The following MTUS1 variants were observed in gnomAD, a reference collection of about 807,000 sequenced individuals.
MTUS1 encodes the protein microtubule-associated tumor suppressor 1.
In MTUS1, 109 loss-of-function variants were observed where a neutral mutation model predicts 120.8. The ratio of observed to expected loss-of-function variants is 0.90; its 90% CI spans 0.77 to 1.06. The LOEUF (loss-of-function observed/expected upper bound fraction) is 1.06. Ranked by LOEUF, MTUS1 falls within the 50% of genes least tolerant of loss-of-function variation. The pLI is 0.00. For synonymous variants in MTUS1, 737 were observed against 550.5 expected, an observed-to-expected ratio of 1.34 and a Z score of -4.74; for missense variants, 2,210 against 1,486.3, an observed-to-expected ratio of 1.49 and a Z score of -8.01.
intron 1 of MTUS1, among the ~76,000 whole-genome samples, chr8:17,793,373 A>G (rs2051957072): frequency 6.6e-6 from 1 of 152,138 alleles, no homozygotes; most frequent in African/African-American, 2.4e-5. Flanking sequence ...GTATGAAACA[A>G]TGGATGAGGG....
At chr8:17,740,197 G>A (rs1172120940) in intron 3 of MTUS1, among the ~76,000 whole-genome samples, 1 of 150,928 alleles carries the variant, frequency 6.6e-6, no homozygotes, top group Non-Finnish European at 1.5e-5. Context: ...AACAGAGCGA[G>A]ACTCCGTCTC....
At position 17,754,408 on chromosome 8, in the gene MTUS1, G is replaced by C. The variant is rs184656744; in HGVS notation, c.1400C>G (p.Ser467Trp). 5.0e-6 allele frequency: 8 copies of C among 1,614,086 alleles called. No homozygotes were observed. Among genetic ancestry groups the C allele is most frequent in the East Asian group, 2.2e-5 (1 of 44,884 alleles). Residue 467 changes from serine (S) to tryptophan (W), a missense_variant, in exon 2 of 15, where the codon TCG becomes TGG. Coordinates refer to ENST00000693296, the MANE Select transcript of MTUS1 (RefSeq NM_001363059.2). ...GNRGLKNIPD[S>W]KEAPVNLCKP... ...ACACAGGTTCACAGGTGCCTCCTTC[G>C]AGTCTGGTATGTTTTTAAGCCCTCG...
chr8:17,790,379 T>C (rs781336800), intron 1 of MTUS1, among the ~76,000 whole-genome samples: 1 of 148,478 alleles, frequency 6.7e-6, no homozygotes, highest in Non-Finnish European at 1.5e-5. Context: ...GGAAAAAAAA[T>C]AGTAGTTGCT....
intron 1 of MTUS1, among the ~76,000 whole-genome samples, chr8:17,779,100 A>T (rs73208629): frequency 6.6e-6 from 1 of 152,326 alleles, no homozygotes; most frequent in Non-Finnish European, 1.5e-5. Context: ...TCTCTGAACA[A>T]GTCACACAAG....
intron 6 of MTUS1, among the ~76,000 whole-genome samples, chr8:17,704,552 G>C (rs929025062): frequency 3.3e-5 from 5 of 152,030 alleles, no homozygotes; most frequent in Non-Finnish European, 4.4e-5. Context: ...GTGTATTCTT[G>C]GCACACTTGC....
chr8:17,708,490 A>G (rs1161880974), intron 6 of MTUS1, among the ~76,000 whole-genome samples: 1 of 152,086 alleles, frequency 6.6e-6, no homozygotes, highest in East Asian at 1.9e-4. Context: ...TTCTTCATAC[A>G]CTCCTGGTGA....
chr8:17,679,972 A>G (rs547852435), intron 7 of MTUS1, among the ~76,000 whole-genome samples: 31 of 152,352 alleles, frequency 2.0e-4, no homozygotes, highest in Non-Finnish European at 2.5e-4. Context: ...TGTGTTGACT[A>G]TTAAAGCTGC....
At chr8:17,789,221 A>C (rs1367070162) in intron 1 of MTUS1, among the ~76,000 whole-genome samples, 4 of 152,092 alleles carry the variant, frequency 2.6e-5, no homozygotes, top group Non-Finnish European at 1.5e-5. Flanking sequence ...TAGTAGATAC[A>C]GGGTTTCTCC....
At chr8:17,720,201 C>T (rs1282015461) in intron 4 of MTUS1, among the ~76,000 whole-genome samples, 1 of 151,962 alleles carries the variant, frequency 6.6e-6, no homozygotes, top group African/African-American at 2.4e-5. Context: ...AAAAATTAGC[C>T]GGGCATGATG....
intron 3 of MTUS1, among the ~76,000 whole-genome samples, chr8:17,728,918 T>G (rs1450388468): frequency 1.3e-5 from 2 of 152,148 alleles, no homozygotes; most frequent in East Asian, 3.9e-4. Flanking sequence ...CTGCCAGGGT[T>G]AGAGAAGTGA....
chr8:17,659,811 T>A (rs1034603236), intron 8 of MTUS1, among the ~76,000 whole-genome samples: 2 of 152,208 alleles, frequency 1.3e-5, no homozygotes, highest in African/African-American at 4.8e-5. Context: ...GTAAGCTTTG[T>A]CATCATCCAT....
At chr8:17,722,637 T>C in intron 4 of MTUS1, 1 of 858,472 alleles carries the variant, frequency 1.2e-6, no homozygotes, top group Non-Finnish European at 1.4e-6. Context: ...CGGTCATTAA[T>C]TCAATGCCTT....
At chr8:17,691,104 G>C (rs1816856109) in intron 6 of MTUS1, among the ~76,000 whole-genome samples, 1 of 152,138 alleles carries the variant, frequency 6.6e-6, no homozygotes. Context: ...AGTGTCTCTT[G>C]ATGAAAAACA....
intron 10 of MTUS1, 64 bp downstream of exon 10, chr8:17,654,497 C>G: frequency 8.8e-7 from 1 of 1,141,336 alleles, no homozygotes; most frequent in Non-Finnish European, 1.3e-6. Flanking sequence ...TCATTTCCAT[C>G]TTAAAACATC....
chr8:17,676,775 T>C (rs1038710903), intron 7 of MTUS1, among the ~76,000 whole-genome samples: 2 of 152,154 alleles, frequency 1.3e-5, no homozygotes, highest in Non-Finnish European at 2.9e-5. Flanking sequence ...AAGGGAAACT[T>C]GTTCTTCGAA....
intron 1 of MTUS1, among the ~76,000 whole-genome samples, chr8:17,765,491 G>A (rs1318705052): frequency 6.6e-6 from 1 of 151,762 alleles, no homozygotes; most frequent in Non-Finnish European, 1.5e-5. Context: ...GTGGTGGTGT[G>A]CACCTGTAAT....
intron 4 of MTUS1, 46 bp from the exon 5 acceptor site, chr8:17,715,947 G>A (rs758621519): frequency 6.4e-7 from 1 of 1,557,862 alleles, no homozygotes; most frequent in South Asian, 1.2e-5. Context: ...GATAAACACA[G>A]TTTCGACCTT....
intron 8 of MTUS1, among the ~76,000 whole-genome samples, chr8:17,667,044 G>C (rs1407181652): frequency 6.6e-6 from 1 of 152,178 alleles, no homozygotes; most frequent in African/African-American, 2.4e-5. Flanking sequence ...ATCCCAAGTT[G>C]AGAGACTGGA....
rs546243579 is a variant in MTUS1 at position 17,647,013 on chromosome 8, C to T, written c.3568G>A (p.Ala1190Thr). The T allele has an allele frequency of 6.2e-7, 1 of 1,613,862 alleles. No homozygotes were observed. Among genetic ancestry groups the T allele is most frequent in the East Asian group, 2.2e-5 (1 of 44,886 alleles). Residue 1190 changes from alanine (A) to threonine (T), a missense_variant, in exon 14 of 15, where the codon GCT (alanine) becomes ACT (threonine). Coordinates refer to ENST00000693296, the MANE Select transcript of MTUS1 (RefSeq NM_001363059.2). ...ATTGCCATGTGCTTGTCCATCCGAG[C>T]TTTCAATTCTTCATTCTCCTGCTGG... is the stretch of plus-strand genomic sequence containing the variant. ...RFQQENEELK[A>T]RMDKHMAISR...
Sources: allele counts gnomAD v4.1 joint callset (sites outside exome capture counted in the v4.1 genomes callset), GRCh38; gene constraint gnomAD v4.1.1; transcripts MANE v1.5; gene names NCBI Gene and HGNC (gene_info 2026-07-23, HGNC 2026-07-21).